Variants in MAP3K3 observed in about 807,000 individuals in gnomAD.
MAP3K3 encodes the protein MAP/ERK kinase kinase 3.
A neutral mutation model predicts 80.9 loss-of-function variants in MAP3K3; 12 were observed. That is an observed-to-expected ratio of 0.15 (90% CI 0.10 to 0.24). The LOEUF is 0.24. Ranked by LOEUF, MAP3K3 falls within the 10% of genes least tolerant of loss-of-function variation. The probability of loss-of-function intolerance (pLI) is 1.00; values close to 1 mark genes in which losing one functional copy is unlikely to be tolerated. For synonymous variants in MAP3K3, 272 were observed against 307.1 expected, an observed-to-expected ratio of 0.89 and a Z score of 1.19; for missense variants, 596 against 834.7, an observed-to-expected ratio of 0.71 and a Z score of 3.52.
chr17:63,641,066 A>G (rs2034431623), intron 2 of MAP3K3, among the ~76,000 whole-genome samples: 1 of 152,212 alleles, frequency 6.6e-6, no homozygotes, highest in Non-Finnish European at 1.5e-5. Context: ...TGGCTAAAGG[A>G]TAATAGACCT....
At chr17:63,661,383 T>C (rs937554076) in intron 5 of MAP3K3, among the ~76,000 whole-genome samples, 2 of 152,180 alleles carry the variant, frequency 1.3e-5, no homozygotes, top group Non-Finnish European at 2.9e-5. Context: ...CTAGCCTTGG[T>C]CTCTACCATC....
At chr17:63,676,378 A>G (rs373395780) in intron 6 of MAP3K3, among the ~76,000 whole-genome samples, 1 of 152,292 alleles carries the variant, frequency 6.6e-6, no homozygotes, top group East Asian at 1.9e-4. Flanking sequence ...GACCATGGAT[A>G]TTTTATCCCA....
At chr17:63,641,900 TG>T (rs1271893773) in intron 2 of MAP3K3, among the ~76,000 whole-genome samples, 3 of 151,874 alleles carry the variant, frequency 2.0e-5, no homozygotes, top group African/African-American at 7.3e-5. Flanking sequence ...GTGGTCAGAG[TG>T]GTAGCAGGTT....
intron 10 of MAP3K3, 57 bp downstream of exon 10, chr17:63,688,938 TG>T: frequency 7.6e-7 from 1 of 1,319,350 alleles, no homozygotes; most frequent in African/African-American, 1.4e-5. Flanking sequence ...CAAGTTGCCA[TG>T]GGGAGGGTGG....
chr17:63,642,066 A>T (rs778518266), intron 2 of MAP3K3, among the ~76,000 whole-genome samples: 3 of 152,218 alleles, frequency 2.0e-5, no homozygotes, highest in Non-Finnish European at 4.4e-5. Flanking sequence ...TATTATGGTC[A>T]ACCTGATGGG....
intron 1 of MAP3K3, among the ~76,000 whole-genome samples, chr17:63,628,362 CTTTT>C (rs551646151): frequency 7.1e-6 from 1 of 141,498 alleles, no homozygotes; most frequent in Admixed American, 7.1e-5. Flanking sequence ...CTAATTCTGT[CTTTT>C]TTTTTTTTTT....
chr17:63,684,096 T>C (rs2035397351), intron 7 of MAP3K3, among the ~76,000 whole-genome samples: 1 of 152,128 alleles, frequency 6.6e-6, no homozygotes, highest in African/African-American at 2.4e-5. Context: ...CAGGCTGCAG[T>C]GAATTGCACT....
chr17:63,666,467 C>CA (rs1568140918), intron 5 of MAP3K3, among the ~76,000 whole-genome samples: 2 of 152,092 alleles, frequency 1.3e-5, no homozygotes, highest in African/African-American at 4.8e-5. Flanking sequence ...GACTCTGTAT[C>CA]AATCAATCAG....
At chr17:63,637,257 T>C (rs1250173225) in intron 2 of MAP3K3, 1 of 199,798 alleles carries the variant, frequency 5.0e-6, no homozygotes, top group African/African-American at 2.3e-5. Context: ...TCTATTAATG[T>C]AGGATTTTAT....
chr17:63,655,288 C>T (rs369305057), intron 4 of MAP3K3, among the ~76,000 whole-genome samples: 4 of 152,030 alleles, frequency 2.6e-5, no homozygotes, highest in East Asian at 1.9e-4. Context: ...TAACCACCCC[C>T]GTGATTCAGT....
chr17:63,630,092 G>A (rs1372198160), intron 1 of MAP3K3, among the ~76,000 whole-genome samples: 4 of 152,048 alleles, frequency 2.6e-5, no homozygotes, highest in Non-Finnish European at 5.9e-5. Context: ...CTTGCATTCC[G>A]CTTTTAGGAG....
chr17:63,675,446 T>A lies in MAP3K3; in HGVS notation c.503-6320T>A, dbSNP rs569710181. On this transcript the variant is annotated intron_variant, in intron 6 of 15. Coordinates refer to ENST00000361733, the MANE Select transcript of MAP3K3 (RefSeq NM_002401.5). ...TTCCTGACTGCATCAGCTTCCTGAT[T>A]AGGGTTCTGCTATGAGAAGGGCTAG... 5.3e-5 allele frequency among the ~76,000 whole-genome samples: 8 copies of A among 152,294 alleles called. No homozygotes were observed. The South Asian group carries it at 1.7e-3, about 32-fold the overall frequency.
Position 63,649,148 on chromosome 17 carries a change from G to T in MAP3K3, c.167+3074G>T, listed in dbSNP as rs975112116. ...AGGAACCTTTTTCTTTTAAGACAGGGTCTCTGGGCCAGGTACAGAGGCTCA... is the reference window on the plus strand; with the variant it reads ...AGGAACCTTTTTCTTTTAAGACAGGTTCTCTGGGCCAGGTACAGAGGCTCA... On this transcript the variant is annotated intron_variant, in intron 3 of 15. Coordinates refer to ENST00000361733, the MANE Select transcript of MAP3K3 (RefSeq NM_002401.5). 7.9e-5 allele frequency among the ~76,000 whole-genome samples: 12 copies of T among 151,932 alleles called. No homozygotes were observed. In the East Asian group the frequency reaches 2.0e-3, roughly 25 times the overall value.
intron 2 of MAP3K3, among the ~76,000 whole-genome samples, chr17:63,633,215 GTGAAACT>G (rs1568123089): frequency 1.3e-4 from 20 of 150,980 alleles, no homozygotes; most frequent in Admixed American, 1.1e-3. Context: ...GCAAGACAGA[GTGAAACT>G]CTGTCTCAAA....
chr17:63,624,962 T>A lies in MAP3K3; in HGVS notation c.4+2199T>A, dbSNP rs1392495858. Among the ~76,000 whole-genome samples, 3 of 152,348 alleles carry A rather than the reference T, an allele frequency of 2.0e-5. No individual in the cohort carries two copies. In the East Asian group the frequency reaches 5.8e-4, roughly 29 times the overall value. ...CTAGTTTCCATTTTGGTGATGAAAA[T>A]TTGAATTTCCAGTTTAGTTAGTTTG... On this transcript the variant is annotated intron_variant, in intron 1 of 15. Coordinates refer to ENST00000361733, the MANE Select transcript of MAP3K3 (RefSeq NM_002401.5).
intron 2 of MAP3K3, among the ~76,000 whole-genome samples, chr17:63,635,190 A>G (rs551137783): frequency 6.6e-6 from 1 of 152,352 alleles, no homozygotes; most frequent in Admixed American, 6.5e-5. Context: ...TTTATGCACT[A>G]TGTAAGGGAC....
At chr17:63,666,790 AGT>A in intron 5 of MAP3K3, 148 bp from the exon 6 acceptor site, 1 of 759,592 alleles carries the variant, frequency 1.3e-6, no homozygotes, top group Non-Finnish European at 2.2e-6. Context: ...CAAATAGAAG[AGT>A]GAGATTTGGG....
intron 3 of MAP3K3, among the ~76,000 whole-genome samples, chr17:63,651,902 T>C (rs1297702496): frequency 1.3e-5 from 2 of 152,204 alleles, no homozygotes; most frequent in Non-Finnish European, 2.9e-5. Context: ...TTATGGCATC[T>C]CAAAGATGAA....
At chr17:63,644,643 A>G (rs1442399536) in intron 2 of MAP3K3, among the ~76,000 whole-genome samples, 1 of 152,246 alleles carries the variant, frequency 6.6e-6, no homozygotes, top group Non-Finnish European at 1.5e-5. Context: ...TTTACAGTGT[A>G]AATTAGAACC....
Sources: gnomAD v4.1 joint callset for allele counts (sites outside exome capture counted in the v4.1 genomes callset) on GRCh38, gnomAD v4.1.1 for gene constraint, MANE v1.5 for transcripts, NCBI Gene and HGNC (gene_info 2026-07-23, HGNC 2026-07-21) for gene names.